ZNF423: variants seen among roughly 807,000 people sequenced by gnomAD.
ZNF423 encodes Ebf-associated zinc finger protein.
In ZNF423, 12 loss-of-function variants were observed where a neutral mutation model predicts 95.8. The ratio of observed to expected loss-of-function variants is 0.13; its 90% CI spans 0.08 to 0.20. The LOEUF (loss-of-function observed/expected upper bound fraction) is 0.20. Ranked by LOEUF, ZNF423 falls within the 10% of genes least tolerant of loss-of-function variation. The pLI, the probability that ZNF423 is intolerant of heterozygous loss-of-function variation, is 1.00. For missense variants in ZNF423, 1,316 were observed against 1,737.1 expected (o/e 0.76, Z 4.31); for synonymous variants, 749 against 711.9 (o/e 1.05, Z -0.83).
At chr16:49,626,037 A>T in intron 5 of ZNF423, 133 bp downstream of exon 5, 1 of 820,220 alleles carries the variant, frequency 1.2e-6, no homozygotes, top group Non-Finnish European at 2.0e-6. Context: ...TTTCACTCCC[A>T]TGTGCAATGT....
chr16:49,726,441 T>A (rs2033016084), intron 3 of ZNF423, among the ~76,000 whole-genome samples: 1 of 152,122 alleles, frequency 6.6e-6, no homozygotes, highest in Non-Finnish European at 1.5e-5. Context: ...CTAGAGAAAC[T>A]TTCTAAAGCA....
At chr16:49,739,528 G>A (rs144707875) in intron 2 of ZNF423, among the ~76,000 whole-genome samples, 8 of 152,252 alleles carry the variant, frequency 5.3e-5, no homozygotes, top group African/African-American at 1.7e-4. Context: ...TGAGTAAGGT[G>A]CGAGCCACCT....
chr16:49,855,140 G>T lies in ZNF423; in HGVS notation c.40+595C>A. 2 of 765,490 alleles carry T rather than the reference G, an allele frequency of 2.6e-6. No individual in the cohort carries two copies. Among genetic ancestry groups the T allele is most frequent in the Non-Finnish European group, 3.2e-6 (2 of 630,308 alleles). The allele number at this position is 765,490 out of a possible 1,614,324, so 47.4% of individuals were successfully genotyped here. A position where few individuals can be genotyped will look rare whatever the true frequency, so the allele number is the denominator to read the frequency against. On this transcript the variant is annotated intron_variant, in intron 1 of 7. Transcript: ENST00000563137. This position sits in a 1 kb window ranked among gnomAD's most constrained non-coding sequence, Gnocchi z 4.7. Reference sequence around the variant, plus strand: ...GCCGGGAGAAGGCCTGGGCAGGGGCGGGAGGGGGCGCCAGGCGGCCGGGGC... The same window carrying T: ...GCCGGGAGAAGGCCTGGGCAGGGGCTGGAGGGGGCGCCAGGCGGCCGGGGC...
rs1011137493 is a variant in ZNF423 at position 49,635,462 on chromosome 16, A to G, written c.3516+198T>C. 1.2e-4 allele frequency among the ~76,000 whole-genome samples: 19 copies of G among 152,250 alleles called. No homozygotes were observed. Among genetic ancestry groups the G allele is most frequent in the Non-Finnish European group, 2.8e-4 (19 of 68,046 alleles). On this transcript the variant is annotated intron_variant, in intron 4 of 7. Transcript: ENST00000563137. The surrounding 1 kb of genome is among the most constrained non-coding windows in gnomAD (Gnocchi z 4.8). ...GAGACCCAGAGAGATAAATAACATG[A>G]GCCCATCACATGGCTGGAAAGGCAA...
At chr16:49,852,695 G>A (rs76435420) in intron 1 of ZNF423, among the ~76,000 whole-genome samples, 3,095 of 152,010 alleles carry the variant, frequency 0.02, 112 homozygotes, top group African/African-American at 0.072. Flanking sequence ...TAACACTCCC[G>A]GCTTTAGGGT....
In ZNF423 at chr16:49,854,394, A is replaced by G. The variant is rs548642172; in HGVS notation, c.40+1341T>C. On this transcript the variant is annotated intron_variant, in intron 1 of 7. Coordinates refer to ENST00000563137, the MANE Select transcript of ZNF423 (RefSeq NM_001379286.1). ...AGTGTCTCAAGATCCTCCTTGCCAG[A>G]TTCAGTTCCAGCCATTCCAGCCAGG... 2.8e-5 allele frequency: 28 copies of G among 985,466 alleles called. No homozygotes were observed. The East Asian group carries it at 2.7e-3, about 96-fold the overall frequency. 61.0% of individuals were successfully genotyped at this position (985,466 alleles called of 1,614,324 possible). A position where few individuals can be genotyped will look rare whatever the true frequency, so the allele number is the denominator to read the frequency against.
At chr16:49,813,606 GAAC>G (rs1344918078) in intron 1 of ZNF423, among the ~76,000 whole-genome samples, 1 of 152,224 alleles carries the variant, frequency 6.6e-6, no homozygotes, top group African/African-American at 2.4e-5. Context: ...TCCCGGAAGA[GAAC>G]ATCCATTCCC....
intron 3 of ZNF423, among the ~76,000 whole-genome samples, chr16:49,709,275 C>A (rs1384913460): frequency 6.6e-6 from 1 of 151,590 alleles, no homozygotes; most frequent in Non-Finnish European, 1.5e-5. Context: ...CTCCCCCAAC[C>A]ATCCCTCGAG....
intron 3 of ZNF423, among the ~76,000 whole-genome samples, chr16:49,716,559 TC>T (rs1458000629): frequency 2.0e-5 from 3 of 152,206 alleles, no homozygotes; most frequent in African/African-American, 7.2e-5. Context: ...CATTTTATAA[TC>T]CCCTGTACAT....
At position 49,489,329 on chromosome 16, in the gene ZNF423, A is replaced by AGCCCCAG. The variant is rs1966888922; in HGVS notation, c.*1939_*1945dup. 6.6e-6 allele frequency: 1 copy of AGCCCCAG among 152,352 alleles called. No homozygotes were observed. The highest frequency in any genetic ancestry group is 1.5e-5 in the Non-Finnish European group (1 of 68,198). 9.4% of individuals were successfully genotyped at this position (152,352 alleles called of 1,614,324 possible). On this transcript the variant is annotated 3_prime_UTR_variant, in exon 8 of 8. Transcript: ENST00000563137. ...GGCAGCCTCACTCAGACATAGCCCC[A>AGCCCCAG]GCCCCAGGCCCCAAGCCCCAGTCCA...
Position 49,703,368 on chromosome 16 carries a change from C to T in ZNF423, c.301+27403G>A, listed in dbSNP as rs928129179. Among the ~76,000 whole-genome samples, 19 of 152,186 alleles carry T rather than the reference C, an allele frequency of 1.2e-4. No homozygotes were observed. The East Asian group carries it at 2.3e-3, about 19-fold the overall frequency. On this transcript the variant is annotated intron_variant, in intron 3 of 7. Coordinates refer to ENST00000563137, the MANE Select transcript of ZNF423 (RefSeq NM_001379286.1). ...ACTTCAATTTAATTTTTAGGCACAA[C>T]GGCATTTAGAGTCAGGGATGGGGTG...
At chr16:49,794,539 A>C (rs990267135) in intron 1 of ZNF423, among the ~76,000 whole-genome samples, 2 of 152,130 alleles carry the variant, frequency 1.3e-5, no homozygotes, top group African/African-American at 4.8e-5. Context: ...GTGGACTTCG[A>C]GTACCCTCTG....
chr16:49,633,297 T>C (rs1972565049), intron 4 of ZNF423, among the ~76,000 whole-genome samples: 1 of 152,218 alleles, frequency 6.6e-6, no homozygotes, highest in Non-Finnish European at 1.5e-5. Flanking sequence ...GGGAAAAATA[T>C]CAGCGACATT....
At chr16:49,770,986 G>A (rs1207235094) in intron 2 of ZNF423, among the ~76,000 whole-genome samples, 1 of 152,156 alleles carries the variant, frequency 6.6e-6, no homozygotes, top group African/African-American at 2.4e-5. Flanking sequence ...TGCTGGAGGA[G>A]TCGGGGCCAA....
intron 5 of ZNF423, among the ~76,000 whole-genome samples, chr16:49,602,347 C>A (rs1170185957): frequency 1.3e-5 from 2 of 152,208 alleles, no homozygotes; most frequent in African/African-American, 4.8e-5. Context: ...GGAGGCCCTC[C>A]TCATCTTTTC....
chr16:49,715,185 T>C (rs1255023932), intron 3 of ZNF423, among the ~76,000 whole-genome samples: 1 of 152,110 alleles, frequency 6.6e-6, no homozygotes, highest in East Asian at 1.9e-4. Context: ...CACCTTCGAG[T>C]GGCAGAGACA....
chr16:49,719,225 C>A (rs1390881299), intron 3 of ZNF423, among the ~76,000 whole-genome samples: 4 of 152,156 alleles, frequency 2.6e-5, no homozygotes, highest in African/African-American at 4.8e-5. Context: ...ATAAGGAGGG[C>A]AGGAAGTGCC....
chr16:49,612,489 A>G (rs1377400476), intron 5 of ZNF423, among the ~76,000 whole-genome samples: 15 of 152,026 alleles, frequency 9.9e-5, no homozygotes, highest in Non-Finnish European at 1.2e-4. Context: ...AAACAAACAA[A>G]CAAACAAAAA....
intron 2 of ZNF423, among the ~76,000 whole-genome samples, chr16:49,764,212 C>A (rs1180101200): frequency 3.3e-5 from 5 of 152,316 alleles, no homozygotes; most frequent in African/African-American, 1.2e-4. Context: ...GAGAGCCACT[C>A]CCAGATACGC....
Sources: allele counts gnomAD v4.1 joint callset (sites outside exome capture counted in the v4.1 genomes callset), GRCh38; gene constraint gnomAD v4.1.1; non-coding constraint Gnocchi (gnomAD v3.1); transcripts MANE v1.5; gene names NCBI Gene and HGNC (gene_info 2026-07-23, HGNC 2026-07-21).